Variants in APBB1 observed in about 807,000 individuals in gnomAD.
The protein encoded by APBB1 is adaptor protein FE65a2.
In APBB1, 22 loss-of-function variants were observed where a neutral mutation model predicts 78.4. The ratio of observed to expected loss-of-function variants is 0.28; its 90% CI spans 0.20 to 0.40. The LOEUF (loss-of-function observed/expected upper bound fraction) is 0.40, where lower values mean the gene tolerates loss of function less well. Ranked by LOEUF, APBB1 falls within the 10% of genes least tolerant of loss-of-function variation. The probability of loss-of-function intolerance (pLI) is 1.00; values close to 1 mark genes in which losing one functional copy is unlikely to be tolerated. For synonymous variants in APBB1, 369 were observed against 372.7 expected (o/e 0.99, Z 0.12); for missense variants, 749 against 932.4 (o/e 0.80, Z 2.56).
rs761328105 is a variant in APBB1, at chr11:6,410,772, G to A, written c.576C>T (p.Pro192=). The A allele has an allele frequency of 3.4e-5, 55 of 1,601,416 alleles. No homozygotes were observed. In the South Asian group the frequency reaches 6.2e-4, roughly 18 times the overall value. ...CCCGGGGGCCATCTGTAAGGGCTTG[G>A]GGCCTGGGAGGGGCCTCCACACTCT... is the stretch of plus-strand genomic sequence containing the variant. ...PLESVEAPPR[P]QALTDGPREH... Residue 192 remains proline (P), a synonymous_variant, in exon 2 of 15, where the codon CCC becomes CCT. Coordinates refer to ENST00000609360, the MANE Select transcript of APBB1 (RefSeq NM_001164.5).
chr11:6,399,952 T>G (rs1386294751), intron 12 of APBB1, among the ~76,000 whole-genome samples: 1 of 151,984 alleles, frequency 6.6e-6, no homozygotes, highest in East Asian at 1.9e-4. Flanking sequence ...TGGATTTCAG[T>G]TCAAATGTCA....
chr11:6,406,109 G>A (rs1340797980), intron 2 of APBB1, among the ~76,000 whole-genome samples: 1 of 152,212 alleles, frequency 6.6e-6, no homozygotes, highest in Non-Finnish European at 1.5e-5. Context: ...AGGCCCTTCT[G>A]GAGCTTGGCA....
In APBB1 at chr11:6,395,978, T is replaced by G. The variant is rs1386762418; in HGVS notation, c.1789-16A>C. On this transcript the variant is annotated splice_polypyrimidine_tract_variant and intron_variant, in intron 13 of 14. Transcript: ENST00000609360. This position sits in a 1 kb window ranked among gnomAD's most constrained non-coding sequence, Gnocchi z 5.2. ...CTGCCTCTGTCTGCATGGAGGGAAC[T>G]CAGTTAAAAAGGAACACCAACCCCA... 1 of 1,611,946 alleles carries G rather than the reference T, an allele frequency of 6.2e-7. No homozygotes were observed. The highest frequency in any genetic ancestry group is 8.5e-7 in the Non-Finnish European group (1 of 1,178,576).
At position 6,395,767 on chromosome 11, in the gene APBB1, C is replaced by T; in HGVS notation, c.1965+19G>A. 2.5e-6 allele frequency: 4 copies of T among 1,607,104 alleles called. No homozygotes were observed. The highest frequency in any genetic ancestry group is 3.4e-6 in the Non-Finnish European group (4 of 1,177,282). ...CCATGGGGCCACGCCACCACCACAC[C>T]ACCCTACTAGTAGCTTACCATGCAC... On this transcript the variant is annotated intron_variant, in intron 14 of 14. Coordinates refer to ENST00000609360, the MANE Select transcript of APBB1 (RefSeq NM_001164.5). The surrounding 1 kb of genome is among the most constrained non-coding windows in gnomAD (Gnocchi z 5.2).
intron 2 of APBB1, among the ~76,000 whole-genome samples, chr11:6,409,471 G>C (rs1241782533): frequency 6.6e-6 from 1 of 152,198 alleles, no homozygotes; most frequent in Non-Finnish European, 1.5e-5. Flanking sequence ...GTTATGTATT[G>C]ATAATTGGTA....
rs776423123 is a variant in APBB1 at position 6,403,593 on chromosome 11, C to T, written c.898-49G>A. ...GAGTGAGTGTCCTATCCTACTCCAG[C>T]AGCACACACTCCCTCCACCCCTGGC... On this transcript the variant is annotated intron_variant, in intron 3 of 14. Transcript: ENST00000609360. This position sits in a 1 kb window ranked among gnomAD's most constrained non-coding sequence, Gnocchi z 5.3. 10 of 1,613,532 alleles carry T rather than the reference C, an allele frequency of 6.2e-6. No individual in the cohort carries two copies. The Admixed American group carries it at 1.7e-4, about 27-fold the overall frequency.
In APBB1 at chr11:6,401,443, G is replaced by T; in HGVS notation, c.1504-14C>A. The T allele has an allele frequency of 6.2e-7, 1 of 1,613,102 alleles. No individual in the cohort carries two copies. On this transcript the variant is annotated splice_polypyrimidine_tract_variant and intron_variant, in intron 10 of 14. Transcript: ENST00000609360. This position sits in a 1 kb window ranked among gnomAD's most constrained non-coding sequence, Gnocchi z 4.5. ...TTCGGCCATGATCTGAGGAAGGAAG[G>T]GAGGCGAGGAGCCAGGGAGAATCTA...
At chr11:6,416,682 C>T (rs990949144) in intron 1 of APBB1, among the ~76,000 whole-genome samples, 1 of 152,082 alleles carries the variant, frequency 6.6e-6, no homozygotes, top group Non-Finnish European at 1.5e-5. Flanking sequence ...AGAAAAATTT[C>T]TGGACTTCAT....
Position 6,411,859 on chromosome 11 carries a change from A to G in APBB1, c.-14-498T>C, listed in dbSNP as rs1248771275. On this transcript the variant is annotated intron_variant, in intron 1 of 14. Coordinates refer to ENST00000609360, the MANE Select transcript of APBB1 (RefSeq NM_001164.5). This position sits in a 1 kb window ranked among gnomAD's most constrained non-coding sequence, Gnocchi z 5.2. ...TTCCCATAAATCACTCAGCTCAACC[A>G]GCCCCCAAGCCCACCCCATACTAGG... Among the ~76,000 whole-genome samples the G allele has an allele frequency of 6.6e-6, 1 of 152,148 alleles. No homozygotes were observed. Among genetic ancestry groups the G allele is most frequent in the Non-Finnish European group, 1.5e-5 (1 of 68,026 alleles).
rs1848659218 is a variant in APBB1, at chr11:6,403,713, G to C, written c.831C>G (p.Thr277=). The change falls in exon 3 of 15, where the codon ACC becomes ACG. Residue 277 remains threonine (T), a synonymous_variant. Transcript: ENST00000609360. This position sits in a 1 kb window ranked among gnomAD's most constrained non-coding sequence, Gnocchi z 5.3. ...CCCGGCCGGGGGGTTCCCACTGGGT[G>C]GTCCCTGTTGGGATGTGCCAGTAAT... ...GTYYWHIPTG[T]TQWEPPGRAS... The C allele has an allele frequency of 6.2e-7, 1 of 1,610,298 alleles. No individual in the cohort carries two copies. Among genetic ancestry groups the C allele is most frequent in the Admixed American group, 1.7e-5 (1 of 59,826 alleles).
At chr11:6,404,689 C>T (rs1848713089) in intron 2 of APBB1, 1 of 1,536,122 alleles carries the variant, frequency 6.5e-7, no homozygotes. Context: ...TCCTCTAACT[C>T]TTCTCTCCCT....
At chr11:6,404,019 G>T in intron 2 of APBB1, 197 bp from the exon 3 acceptor site, 1 of 518,146 alleles carries the variant, frequency 1.9e-6, no homozygotes, top group Non-Finnish European at 3.2e-6. Flanking sequence ...ACATGGCTCA[G>T]GTCTCCTCCT....
At position 6,395,891 on chromosome 11, in the gene APBB1, C is replaced by T. The variant is rs150888906; in HGVS notation, c.1860G>A (p.Thr620=). 1.3e-5 allele frequency: 21 copies of T among 1,614,078 alleles called. No individual in the cohort carries two copies. The South Asian group carries it at 1.3e-4, about 10-fold the overall frequency. ...GGCCGGCAGCCATGATGAATGCAAA[C>T]GTGTGGACATCTCTGCCCACGGCCA... ...SFLAVGRDVH[T]FAFIMAAGPA... is the part of the protein sequence containing the mutation. Residue 620 remains threonine, a synonymous_variant, in exon 14 of 15, where the codon ACG becomes ACA. Coordinates refer to ENST00000609360, the MANE Select transcript of APBB1 (RefSeq NM_001164.5). This position sits in a 1 kb window ranked among gnomAD's most constrained non-coding sequence, Gnocchi z 5.2.
intron 12 of APBB1, among the ~76,000 whole-genome samples, chr11:6,398,553 G>C (rs1848344114): frequency 6.6e-6 from 1 of 152,208 alleles, no homozygotes; most frequent in African/African-American, 2.4e-5. Flanking sequence ...ATCTGGCATA[G>C]GGAGGACCAG....
intron 2 of APBB1, among the ~76,000 whole-genome samples, 184 bp downstream of exon 2, chr11:6,410,443 G>A (rs1848928889): frequency 6.6e-6 from 1 of 152,200 alleles, no homozygotes; most frequent in African/African-American, 2.4e-5. Context: ...ATCCGGGCAT[G>A]CATGATGGTC....
Position 6,419,069 on chromosome 11 carries a change from A to G in APBB1, c.-99T>C, listed in dbSNP as rs1849194219. On this transcript the variant is annotated 5_prime_UTR_variant, in exon 1 of 15. The change abolishes an upstream ATG in the 5' untranslated region. Transcript: ENST00000609360. The stretch of plus-strand genomic sequence containing the variant: ...TCCGCCGCGGCTTCTCCATCACAAC[A>G]TCCCCCGCCCAGGAGCGCGCGGGCC... 2.6e-6 allele frequency: 1 copy of G among 384,074 alleles called. No individual in the cohort carries two copies. Among genetic ancestry groups the G allele is most frequent in the Non-Finnish European group, 4.6e-6 (1 of 216,898 alleles). 23.8% of individuals were successfully genotyped at this position (384,074 alleles called of 1,614,324 possible).
chr11:6,406,023 T>C (rs1848786827), intron 2 of APBB1, among the ~76,000 whole-genome samples: 1 of 152,170 alleles, frequency 6.6e-6, no homozygotes, highest in Non-Finnish European at 1.5e-5. Context: ...TGTCAGCCTG[T>C]ACCTTCCTGC....
At chr11:6,399,905 C>G (rs1458905711) in intron 12 of APBB1, among the ~76,000 whole-genome samples, 2 of 151,884 alleles carry the variant, frequency 1.3e-5, no homozygotes, top group African/African-American at 4.8e-5. Flanking sequence ...ACCCCCACCT[C>G]CATTCCACTT....
At chr11:6,415,831 C>T (rs1166867073) in intron 1 of APBB1, among the ~76,000 whole-genome samples, 1 of 152,112 alleles carries the variant, frequency 6.6e-6, no homozygotes, top group Non-Finnish European at 1.5e-5. Context: ...CACTGTTTAT[C>T]TATTTTCTCC....
Sources: gnomAD v4.1 joint callset for allele counts (sites outside exome capture counted in the v4.1 genomes callset) on GRCh38, gnomAD v4.1.1 for gene constraint, Gnocchi (gnomAD v3.1) non-coding constraint, MANE v1.5 for transcripts, NCBI Gene and HGNC (gene_info 2026-07-23, HGNC 2026-07-21) for gene names.